The following TRMT1L variants were observed in gnomAD, a reference collection of about 807,000 sequenced individuals.
TRMT1L encodes the protein tRNA methyltransferase 1L.
A neutral mutation model predicts 81.6 loss-of-function variants in TRMT1L; 28 were observed. The ratio of observed to expected loss-of-function variants is 0.34; its 90% confidence interval spans 0.25 to 0.47. The LOEUF is 0.47. TRMT1L is among the 20% of genes least tolerant of loss of function. The pLI is 1.00. For missense variants in TRMT1L, 739 were observed against 877.1 expected, an observed-to-expected ratio of 0.84 and a Z score of 1.99; for synonymous variants, 301 against 303.2, an observed-to-expected ratio of 0.99 and a Z score of 0.07.
intron 4 of TRMT1L, among the ~76,000 whole-genome samples, chr1:185,146,868 G>A (rs977221345): frequency 8.6e-5 from 13 of 151,840 alleles, no homozygotes; most frequent in African/African-American, 2.9e-4. Context: ...TTCCATGACC[G>A]AAATTTTAAG....
intron 7 of TRMT1L, 31 bp from the exon 8 acceptor site, chr1:185,140,253 A>G: frequency 6.7e-7 from 1 of 1,495,372 alleles, no homozygotes; most frequent in Non-Finnish European, 9.0e-7. Flanking sequence ...AATGAGTTTT[A>G]TAATTGTAAT....
chr1:185,140,679 T>TA lies in TRMT1L; in HGVS notation c.860-458dup, dbSNP rs926664277. 2.2e-3 allele frequency among the ~76,000 whole-genome samples: 315 copies of TA among 144,636 alleles called. 2 individuals carry two copies. Among genetic ancestry groups the TA allele is most frequent in the East Asian group, 0.015 (75 of 5,030 alleles). The allele number at this position is 144,636 out of a possible 152,430, so 94.9% of individuals were successfully genotyped here. On this transcript the variant is annotated intron_variant, in intron 7 of 14. Coordinates refer to ENST00000367506, the MANE Select transcript of TRMT1L (RefSeq NM_030934.5). Reference sequence around the variant, plus strand: ...ACTGCACAATAGCATTGTTGTGAATTAAAAAAAAAAAAATTGTGGCCAGGT... The same window carrying TA: ...ACTGCACAATAGCATTGTTGTGAATTAAAAAAAAAAAAAATTGTGGCCAGGT...
Position 185,143,350 on chromosome 1 carries a change from C to T in TRMT1L, c.859+7G>A. ...AAATGGGGTTCCAAAAAAGTGTCCT[C>T]ACTTACCAGTGGCTCCAAAAGCATC... On this transcript the variant is annotated splice_region_variant and intron_variant, in intron 7 of 14. Coordinates refer to ENST00000367506, the MANE Select transcript of TRMT1L (RefSeq NM_030934.5). 2 of 1,593,356 alleles carry T rather than the reference C, an allele frequency of 1.3e-6. No individual in the cohort carries two copies. The highest frequency in any genetic ancestry group is 1.1e-5 in the South Asian group (1 of 87,290).
At chr1:185,132,459 C>A (rs1490662181) in intron 10 of TRMT1L, among the ~76,000 whole-genome samples, 3 of 151,382 alleles carry the variant, frequency 2.0e-5, no homozygotes, top group Non-Finnish European at 4.4e-5. Flanking sequence ...GTGAAGGTTG[C>A]AGTGAGCTGA....
At chr1:185,154,270 T>C (rs1653436547) in intron 1 of TRMT1L, among the ~76,000 whole-genome samples, 1 of 152,194 alleles carries the variant, frequency 6.6e-6, no homozygotes, top group South Asian at 2.1e-4. Flanking sequence ...CATAGCTCAC[T>C]GCAGCCTCAA....
chr1:185,157,179 C>G (rs965380118), upstream of TRMT1L: 1 of 160,770 alleles, frequency 6.2e-6, no homozygotes, highest in Admixed American at 6.2e-5. Context: ...GTAGGTAGTG[C>G]GGATGCGGGC....
In TRMT1L at chr1:185,137,640, C is replaced by T. The variant is rs745355650; in HGVS notation, c.1479G>A (p.Glu493=). 35 of 1,613,948 alleles carry T rather than the reference C, an allele frequency of 2.2e-5. 1 individual carries two copies. Among genetic ancestry groups the T allele is most frequent in the East Asian group, 2.2e-5 (1 of 44,870 alleles). ...QYLIHCQWCE[E]RIFQKDGNMV... is the part of the protein sequence containing the mutation. ...TATTACCATCCTTCTGAAAAATTCT[C>T]TCTTCACACCACTGACAATGGATCA... The change falls in exon 10 of 15, where the codon GAG becomes GAA. Residue 493 remains glutamate, a synonymous_variant. Coordinates refer to ENST00000367506, the MANE Select transcript of TRMT1L (RefSeq NM_030934.5).
At chr1:185,127,482 T>C (rs1420233367) in intron 11 of TRMT1L, among the ~76,000 whole-genome samples, 1 of 151,850 alleles carries the variant, frequency 6.6e-6, no homozygotes, top group African/African-American at 2.4e-5. Context: ...CTCGGCCGGG[T>C]GCGGTAGCTC....
At chr1:185,137,500 C>G (rs1461436609) in intron 10 of TRMT1L, 106 bp downstream of exon 10, 1 of 1,156,844 alleles carries the variant, frequency 8.6e-7, no homozygotes, top group African/African-American at 1.5e-5. Flanking sequence ...AAAGTTAGCA[C>G]TGTAATCTTT....
intron 10 of TRMT1L, among the ~76,000 whole-genome samples, chr1:185,129,863 G>A (rs763484268): frequency 1.3e-5 from 2 of 152,138 alleles, no homozygotes; most frequent in Non-Finnish European, 2.9e-5. Flanking sequence ...TGAGAACTAT[G>A]TTCCTCAAAT....
intron 13 of TRMT1L, 108 bp downstream of exon 13, chr1:185,123,749 A>G (rs1652553005): frequency 3.0e-6 from 2 of 664,076 alleles, no homozygotes; most frequent in Non-Finnish European, 4.9e-6. Flanking sequence ...ATAATATGAA[A>G]TGTATTTTTA....
At chr1:185,123,088 G>A (rs12022419) in intron 13 of TRMT1L, among the ~76,000 whole-genome samples, 15,168 of 152,166 alleles carry the variant, frequency 0.1, 984 homozygotes, top group East Asian at 0.25. Flanking sequence ...AGTTGAAGAT[G>A]CCAAATGAAC....
chr1:185,125,152 G>T, intron 11 of TRMT1L, 42 bp from the exon 12 acceptor site: 1 of 1,456,126 alleles, frequency 6.9e-7, no homozygotes, highest in Admixed American at 2.3e-5. Context: ...TTTGAAAAAT[G>T]TTTCTCTTTA....
intron 1 of TRMT1L, among the ~76,000 whole-genome samples, chr1:185,152,663 T>TA (rs1413748018): frequency 5.9e-5 from 9 of 151,964 alleles, no homozygotes; most frequent in African/African-American, 2.2e-4. Context: ...AATAGAAGGT[T>TA]AAAAAAATAA....
chr1:185,145,393 T>C lies in TRMT1L; in HGVS notation c.655+46A>G. ...TCTGAAAATAATAACTGGACCATTA[T>C]TTAAGGATTTACATATTAATATGTT... On this transcript the variant is annotated intron_variant, in intron 5 of 14. Transcript: ENST00000367506. 2 of 1,556,294 alleles carry C rather than the reference T, an allele frequency of 1.3e-6. 1 individual carries two copies. Among genetic ancestry groups the C allele is most frequent in the South Asian group, 2.3e-5 (2 of 86,340 alleles).
intron 11 of TRMT1L, among the ~76,000 whole-genome samples, chr1:185,126,374 A>G (rs1415703330): frequency 6.6e-6 from 1 of 152,052 alleles, no homozygotes; most frequent in Non-Finnish European, 1.5e-5. Context: ...AGCCCACTGC[A>G]TGCTCTGCCT....
chr1:185,131,046 C>G (rs1343309145), intron 10 of TRMT1L, among the ~76,000 whole-genome samples: 4 of 151,840 alleles, frequency 2.6e-5, no homozygotes, highest in African/African-American at 9.7e-5. Flanking sequence ...GTTGCCTAGG[C>G]TCAAGTGCAG....
chr1:185,148,163 T>TTTAAATACC (rs1426873979), intron 3 of TRMT1L, among the ~76,000 whole-genome samples: 1 of 152,222 alleles, frequency 6.6e-6, no homozygotes, highest in Non-Finnish European at 1.5e-5. Flanking sequence ...ATCTTATGGC[T>TTTAAATACC]TTAAATACCA....
intron 10 of TRMT1L, among the ~76,000 whole-genome samples, chr1:185,134,856 G>A (rs1652857405): frequency 6.6e-6 from 1 of 152,130 alleles, no homozygotes; most frequent in South Asian, 2.1e-4. Flanking sequence ...AGTAAGAGAT[G>A]ACTAGAGAAA....
Sources: allele counts gnomAD v4.1 joint callset (sites outside exome capture counted in the v4.1 genomes callset), GRCh38; gene constraint gnomAD v4.1.1; transcripts MANE v1.5; gene names NCBI Gene and HGNC (gene_info 2026-07-23, HGNC 2026-07-21).